The following LDB2 variants were observed in gnomAD, a reference collection of about 807,000 sequenced individuals.
LDB2 encodes LIM domain-binding protein 2.
LDB2 carries 12 observed loss-of-function variants against 44.3 expected under a neutral mutation model. The observed-to-expected ratio is 0.27, with a 90% CI of 0.17 to 0.44. LDB2 has a LOEUF of 0.44. Among genes scored for constraint, LDB2 ranks in the 20% least tolerant of loss-of-function variants. LDB2 has a pLI of 1.00. For missense variants in LDB2, 344 were observed against 473.5 expected, an observed-to-expected ratio of 0.73 and a Z score of 2.54; for synonymous variants, 164 against 174.8, an observed-to-expected ratio of 0.94 and a Z score of 0.49.
intron 1 of LDB2, chr4:16,889,324 T>G (rs6828591): frequency 6.6e-6 from 1 of 152,060 alleles, no homozygotes; most frequent in Non-Finnish European, 1.5e-5. Context: ...CAGGTAGATA[T>G]AGAGAGACAG....
chr4:16,873,086 C>T (rs1266471110), intron 1 of LDB2, among the ~76,000 whole-genome samples: 3 of 152,040 alleles, frequency 2.0e-5, no homozygotes, highest in Non-Finnish European at 4.4e-5. Flanking sequence ...AATGGTGTAT[C>T]GGGCATTTCC....
chr4:16,661,474 A>G (rs562113446), intron 2 of LDB2, among the ~76,000 whole-genome samples: 1 of 152,300 alleles, frequency 6.6e-6, no homozygotes, highest in Admixed American at 6.5e-5. Flanking sequence ...TAATCCCACC[A>G]TGCTGCAGTT....
rs76983734 is a variant in LDB2 at position 16,550,659 on chromosome 4, A to G, written c.615+35263T>C. On this transcript the variant is annotated intron_variant, in intron 5 of 7. Transcript: ENST00000304523. ...AAGAATGGGCATGATGAGGACCCACATGTGCTTTTGGTGGGAGTGCAAATT... is the reference window on the plus strand; with the variant it reads ...AAGAATGGGCATGATGAGGACCCACGTGTGCTTTTGGTGGGAGTGCAAATT... Among the ~76,000 whole-genome samples the G allele has an allele frequency of 8.3e-3, 1,263 of 152,352 alleles. 16 individuals carry two copies. The highest frequency in any genetic ancestry group is 0.029 in the African/African-American group (1,213 of 41,578).
intron 2 of LDB2, among the ~76,000 whole-genome samples, chr4:16,686,802 T>C (rs1749362710): frequency 6.6e-6 from 1 of 152,166 alleles, no homozygotes; most frequent in Non-Finnish European, 1.5e-5. Context: ...GGTCCATGGG[T>C]ACAAAAAACT....
At chr4:16,672,906 CCTT>C (rs1745270151) in intron 2 of LDB2, among the ~76,000 whole-genome samples, 1 of 150,380 alleles carries the variant, frequency 6.6e-6, no homozygotes, top group Admixed American at 6.7e-5. Context: ...TTCCCCCTCT[CCTT>C]ATCTTTTTTC....
intron 2 of LDB2, among the ~76,000 whole-genome samples, chr4:16,680,007 G>C (rs1747399349): frequency 6.6e-6 from 1 of 152,100 alleles, no homozygotes; most frequent in South Asian, 2.1e-4. Flanking sequence ...CCAAATTCCT[G>C]TATTGAAGCC....
chr4:16,673,256 C>T (rs1305936395), intron 2 of LDB2, among the ~76,000 whole-genome samples: 2 of 152,188 alleles, frequency 1.3e-5, no homozygotes, highest in Admixed American at 6.6e-5. Context: ...AGACATCTTA[C>T]CTTCGAGGGT....
intron 1 of LDB2, among the ~76,000 whole-genome samples, chr4:16,880,760 C>T (rs922070466): frequency 2.0e-5 from 3 of 151,874 alleles, no homozygotes; most frequent in Non-Finnish European, 4.4e-5. Flanking sequence ...AAAAATTAGC[C>T]GAGTGTGGTG....
At chr4:16,813,561 G>C (rs571996954) in intron 1 of LDB2, among the ~76,000 whole-genome samples, 2 of 152,104 alleles carry the variant, frequency 1.3e-5, no homozygotes, top group African/African-American at 4.8e-5. Flanking sequence ...ACAAAAATCT[G>C]TAAGAGTATT....
intron 1 of LDB2, among the ~76,000 whole-genome samples, chr4:16,805,103 GAGA>G (rs1778531486): frequency 6.6e-6 from 1 of 152,036 alleles, no homozygotes; most frequent in Non-Finnish European, 1.5e-5. Context: ...TGGAGAGAGA[GAGA>G]AGGGTAGAGA....
chr4:16,761,850 A>G (rs957668086), intron 1 of LDB2, among the ~76,000 whole-genome samples: 3 of 152,126 alleles, frequency 2.0e-5, no homozygotes, highest in African/African-American at 7.2e-5. Flanking sequence ...TGCACTGAAA[A>G]TGAACTTTAT....
intron 2 of LDB2, among the ~76,000 whole-genome samples, chr4:16,741,279 C>G (rs1027815890): frequency 6.6e-6 from 1 of 152,152 alleles, no homozygotes; most frequent in African/African-American, 2.4e-5. Flanking sequence ...TATATTCATT[C>G]AACAAATATC....
chr4:16,655,279 C>T (rs796180730), intron 2 of LDB2, among the ~76,000 whole-genome samples: 13 of 152,258 alleles, frequency 8.5e-5, no homozygotes, highest in African/African-American at 2.9e-4. Context: ...TTCTTGAAAT[C>T]CAGATTCTCA....
chr4:16,744,653 T>C (rs1764029956), intron 2 of LDB2, among the ~76,000 whole-genome samples: 1 of 152,144 alleles, frequency 6.6e-6, no homozygotes, highest in Admixed American at 6.5e-5. Context: ...TTTTTTTGTA[T>C]TTTTAATAGA....
At chr4:16,724,934 G>A (rs1244811946) in intron 2 of LDB2, among the ~76,000 whole-genome samples, 1 of 152,108 alleles carries the variant, frequency 6.6e-6, no homozygotes, top group Non-Finnish European at 1.5e-5. Flanking sequence ...AGCATAGGAA[G>A]GTTAAGTCCA....
intron 2 of LDB2, among the ~76,000 whole-genome samples, chr4:16,663,797 C>G (rs1025575449): frequency 2.0e-5 from 3 of 152,138 alleles, no homozygotes; most frequent in Admixed American, 2.0e-4. Flanking sequence ...TGACCTGATA[C>G]ACAGTCTAAC....
intron 4 of LDB2, among the ~76,000 whole-genome samples, 186 bp downstream of exon 4, chr4:16,588,523 CA>C (rs1264765747): frequency 6.6e-6 from 1 of 151,754 alleles, no homozygotes; most frequent in Non-Finnish European, 1.5e-5. Context: ...ATCTTGGAAA[CA>C]AAAAGGGGAG....
At position 16,787,597 on chromosome 4, in the gene LDB2, G is replaced by A. The variant is rs995133467; in HGVS notation, c.133-28337C>T. Among the ~76,000 whole-genome samples, 4 of 152,086 alleles carry A rather than the reference G, an allele frequency of 2.6e-5. No individual in the cohort carries two copies. In the East Asian group the frequency reaches 7.7e-4, roughly 29 times the overall value. On this transcript the variant is annotated intron_variant, in intron 1 of 7. Transcript: ENST00000304523. Reference sequence around the variant, plus strand: ...CCACTGCACTCCAGTCTGGGTGACTGAGTGAAACTCCATCTCAGAAAAAAA... The same window carrying A: ...CCACTGCACTCCAGTCTGGGTGACTAAGTGAAACTCCATCTCAGAAAAAAA...
At chr4:16,790,934 G>T (rs1341502249) in intron 1 of LDB2, among the ~76,000 whole-genome samples, 1 of 152,126 alleles carries the variant, frequency 6.6e-6, no homozygotes. Context: ...AGGCTGTGTG[G>T]ATGAGAGCTA....
Sources: allele counts gnomAD v4.1 joint callset (sites outside exome capture counted in the v4.1 genomes callset), GRCh38; gene constraint gnomAD v4.1.1; transcripts MANE v1.5; gene names NCBI Gene and HGNC (gene_info 2026-07-23, HGNC 2026-07-21).